Variants in CSGALNACT1 observed in about 807,000 individuals in gnomAD.
CSGALNACT1 encodes beta4GalNAcT-1.
In CSGALNACT1, 52 loss-of-function variants were observed where a neutral mutation model predicts 51.0. The observed-to-expected ratio is 1.02, with a 90% CI of 0.82 to 1.29. The LOEUF is 1.29. Among genes scored for constraint, CSGALNACT1 ranks in the 50% most tolerant of loss-of-function variants. CSGALNACT1 has a pLI of 0.00. For missense variants in CSGALNACT1, 935 were observed against 679.2 expected, an observed-to-expected ratio of 1.38 and a Z score of -4.19; for synonymous variants, 341 against 254.4, an observed-to-expected ratio of 1.34 and a Z score of -3.24.
intron 3 of CSGALNACT1, among the ~76,000 whole-genome samples, chr8:19,544,134 T>C (rs2085924139): frequency 6.6e-6 from 1 of 152,090 alleles, no homozygotes; most frequent in Non-Finnish European, 1.5e-5. Context: ...AAAAGAATAG[T>C]TTGGTGACCA....
At chr8:19,445,011 T>C (rs899943977) in intron 5 of CSGALNACT1, among the ~76,000 whole-genome samples, 1 of 152,186 alleles carries the variant, frequency 6.6e-6, no homozygotes. Flanking sequence ...GAATTCTGTC[T>C]CTTTCTGGTG....
chr8:19,433,279 G>A (rs1402696320), intron 6 of CSGALNACT1, among the ~76,000 whole-genome samples: 1 of 152,180 alleles, frequency 6.6e-6, no homozygotes, highest in East Asian at 1.9e-4. Context: ...GGCAATCAAT[G>A]CCTTATTTAT....
At chr8:19,685,785 C>T (rs2060940120), upstream of CSGALNACT1, among the ~76,000 whole-genome samples, 2 of 152,150 alleles carry the variant, frequency 1.3e-5, no homozygotes, top group Admixed American at 6.5e-5. Flanking sequence ...CGCATTTTGC[C>T]ACCAGGCTAA....
intron 4 of CSGALNACT1, among the ~76,000 whole-genome samples, chr8:19,461,893 T>C (rs113681808): frequency 4.0e-3 from 407 of 103,008 alleles, no homozygotes; most frequent in East Asian, 0.017. Context: ...CAGCCACATT[T>C]ACCATGGAGG....
chr8:19,462,470 C>A (rs912371111), intron 4 of CSGALNACT1, among the ~76,000 whole-genome samples: 2 of 152,094 alleles, frequency 1.3e-5, no homozygotes, highest in African/African-American at 4.8e-5. Context: ...AAGAGATGGA[C>A]ATCTATTTAT....
At chr8:19,619,894 G>A (rs1436239993) in intron 1 of CSGALNACT1, among the ~76,000 whole-genome samples, 1 of 152,166 alleles carries the variant, frequency 6.6e-6, no homozygotes, top group African/African-American at 2.4e-5. Context: ...ATTAACTCGG[G>A]CTCAAATCCC....
intron 3 of CSGALNACT1, among the ~76,000 whole-genome samples, chr8:19,567,198 T>G (rs767655553): frequency 9.9e-5 from 15 of 152,188 alleles, no homozygotes; most frequent in Admixed American, 3.3e-4. Flanking sequence ...AAACCCCAGA[T>G]GTCCTGAGCT....
intron 3 of CSGALNACT1, among the ~76,000 whole-genome samples, chr8:19,556,291 G>A (rs893558503): frequency 2.6e-5 from 4 of 151,628 alleles, no homozygotes; most frequent in Admixed American, 1.3e-4. Flanking sequence ...CAGGAGAATC[G>A]CTTGAACCTA....
At chr8:19,579,023 C>G (rs987992897) in intron 3 of CSGALNACT1, among the ~76,000 whole-genome samples, 2 of 152,098 alleles carry the variant, frequency 1.3e-5, no homozygotes, top group African/African-American at 4.8e-5. Flanking sequence ...GTCACAGCAC[C>G]CTGACTCATT....
At chr8:19,670,648 G>GAAAAAAAA (rs1490871140) in intron 1 of CSGALNACT1, among the ~76,000 whole-genome samples, 2 of 25,194 alleles carry the variant, frequency 7.9e-5, no homozygotes, top group Non-Finnish European at 2.0e-4. Context: ...CACTACTGAA[G>GAAAAAAAA]ACAAAAAAAA....
chr8:19,414,595 ACAC>A (rs1408360731), intron 8 of CSGALNACT1, among the ~76,000 whole-genome samples: 1 of 758 alleles, frequency 1.3e-3, no homozygotes, highest in Non-Finnish European at 0.016. Flanking sequence ...ACACACACAT[ACAC>A]ACACACACAC....
intron 4 of CSGALNACT1, among the ~76,000 whole-genome samples, chr8:19,467,274 C>T (rs7007358): frequency 0.17 from 25,759 of 151,852 alleles, 2,416 homozygotes; most frequent in African/African-American, 0.24. Flanking sequence ...AGCCCGCCAC[C>T]ATGACTGGCT....
At chr8:19,410,630 T>TGTAG (rs2055458957) in intron 8 of CSGALNACT1, among the ~76,000 whole-genome samples, 2 of 152,294 alleles carry the variant, frequency 1.3e-5, no homozygotes, top group South Asian at 4.2e-4. Context: ...GCTGCACTGA[T>TGTAG]GTAGGGCCTT....
At chr8:19,436,709 C>A (rs1298493607) in intron 6 of CSGALNACT1, among the ~76,000 whole-genome samples, 1 of 152,024 alleles carries the variant, frequency 6.6e-6, no homozygotes, top group African/African-American at 2.4e-5. Flanking sequence ...GGGTTTGAAA[C>A]CAGCCTGGGA....
chr8:19,512,865 G>C (rs1351556489), intron 3 of CSGALNACT1, among the ~76,000 whole-genome samples: 2 of 152,170 alleles, frequency 1.3e-5, no homozygotes, highest in Non-Finnish European at 2.9e-5. Flanking sequence ...GAGGAACACT[G>C]TTTCCAGAAA....
chr8:19,628,823 C>A (rs1416528934), intron 1 of CSGALNACT1, among the ~76,000 whole-genome samples: 1 of 151,774 alleles, frequency 6.6e-6, no homozygotes, highest in African/African-American at 2.4e-5. Flanking sequence ...AAAAGCAGGA[C>A]AAACAGAAGG....
At position 19,408,710 on chromosome 8, in the gene CSGALNACT1, T is replaced by A. The variant is rs967049832; in HGVS notation, c.1228-16A>T. 2.5e-6 allele frequency: 4 copies of A among 1,612,634 alleles called. No individual in the cohort carries two copies. Among genetic ancestry groups the A allele is most frequent in the Non-Finnish European group, 3.4e-6 (4 of 1,178,844 alleles). Reference sequence around the variant, plus strand: ...TCTTTATGACCTGCAAGAAAAGCACTGTCATTTGAGGGGAAAGTTTAGGGT... The same window carrying A: ...TCTTTATGACCTGCAAGAAAAGCACAGTCATTTGAGGGGAAAGTTTAGGGT... On this transcript the variant is annotated splice_polypyrimidine_tract_variant and intron_variant, in intron 8 of 9. Coordinates refer to ENST00000454498, the Ensembl canonical transcript of CSGALNACT1.
In CSGALNACT1 at chr8:19,597,721, G is replaced by C. The variant is rs543358415; in HGVS notation, c.-416+4050C>G. Among the ~76,000 whole-genome samples the C allele has an allele frequency of 9.8e-5, 15 of 152,326 alleles. 1 individual carries two copies. In the South Asian group the frequency reaches 3.1e-3, roughly 32 times the overall value. ...TTAAAAGGAAGTAGGGGAAAGGCTG[G>C]TACACCGTCAAATGTGCAGCAAATG... is the stretch of plus-strand genomic sequence containing the variant. On this transcript the variant is annotated intron_variant, in intron 2 of 9. Coordinates refer to ENST00000454498, the Ensembl canonical transcript of CSGALNACT1.
At chr8:19,744,922 G>A (rs1217704513) in intron 1 of CSGALNACT1, among the ~76,000 whole-genome samples, 1 of 152,112 alleles carries the variant, frequency 6.6e-6, no homozygotes, top group Non-Finnish European at 1.5e-5. Context: ...TATACTCCAG[G>A]AGTCTATAAT....
Sources: allele counts gnomAD v4.1 joint callset (sites outside exome capture counted in the v4.1 genomes callset), GRCh38; gene constraint gnomAD v4.1.1; transcripts MANE v1.5; gene names NCBI Gene and HGNC (gene_info 2026-07-23, HGNC 2026-07-21).